Variants in RERE observed in about 807,000 individuals in gnomAD.
RERE encodes arginine-glutamic acid dipeptide repeats.
In RERE, 40 loss-of-function variants were observed where a neutral mutation model predicts 146.1. The ratio of observed to expected loss-of-function variants is 0.27; its 90% CI spans 0.21 to 0.36. RERE has a LOEUF of 0.36. Among genes scored for constraint, RERE ranks in the 10% least tolerant of loss-of-function variants. The probability of loss-of-function intolerance (pLI) is 1.00; values close to 1 mark genes in which losing one functional copy is unlikely to be tolerated. For synonymous variants in RERE, 1,003 were observed against 866.0 expected (o/e 1.16, Z -2.78); for missense variants, 1,933 against 2,138.7 (o/e 0.90, Z 1.90).
chr1:8,771,129 G>C (rs888625010), intron 1 of RERE, among the ~76,000 whole-genome samples: 4 of 152,052 alleles, frequency 2.6e-5, no homozygotes, highest in East Asian at 1.9e-4. Context: ...CACCTGCTGG[G>C]GGGGGAAAAT....
intron 1 of RERE, chr1:8,703,098 C>G (rs941425134): frequency 6.6e-6 from 1 of 152,136 alleles, no homozygotes; most frequent in Admixed American, 6.5e-5. Flanking sequence ...GGGCCTGGTC[C>G]TCCTCCTCCG....
At chr1:8,528,266 ATGT>A (rs71580031) in intron 7 of RERE, among the ~76,000 whole-genome samples, 17 of 152,342 alleles carry the variant, frequency 1.1e-4, no homozygotes, top group Non-Finnish European at 2.1e-4. Flanking sequence ...GTGAGGAAAC[ATGT>A]TGTGAAAACA....
chr1:8,399,440 A>C (rs1643172291), intron 12 of RERE, among the ~76,000 whole-genome samples: 1 of 152,146 alleles, frequency 6.6e-6, no homozygotes, highest in Non-Finnish European at 1.5e-5. Context: ...TTACTGAATA[A>C]TTGGTTAGTT....
rs944558053 is a variant in RERE, at chr1:8,354,916, G to A, written c.*171C>T. 8 of 619,882 alleles carry A rather than the reference G, an allele frequency of 1.3e-5. No individual in the cohort carries two copies. The highest frequency in any genetic ancestry group is 2.2e-5 in the Non-Finnish European group (8 of 359,102). The allele number at this position is 619,882 out of a possible 1,614,324, so 38.4% of individuals were successfully genotyped here. ...CAAACCAGTCTCAGGAAATCCTCTC[G>A]ACAAACGAACACTACTATGTGGATA... On this transcript the variant is annotated 3_prime_UTR_variant, in exon 23 of 23. Coordinates refer to ENST00000400908, the MANE Select transcript of RERE (RefSeq NM_001042681.2).
intron 1 of RERE, among the ~76,000 whole-genome samples, chr1:8,675,467 T>G (rs572617465): frequency 4.2e-4 from 51 of 121,698 alleles, no homozygotes; most frequent in African/African-American, 1.5e-3. Context: ...AAGACCAACC[T>G]GGGCAACGTC....
intron 12 of RERE, among the ~76,000 whole-genome samples, chr1:8,381,443 G>C (rs1414494445): frequency 6.6e-6 from 1 of 152,050 alleles, no homozygotes; most frequent in African/African-American, 2.4e-5. Flanking sequence ...ATAAAACAGA[G>C]GAGTCACTAA....
At chr1:8,764,328 G>A (rs981914992) in intron 1 of RERE, among the ~76,000 whole-genome samples, 7 of 152,074 alleles carry the variant, frequency 4.6e-5, no homozygotes, top group African/African-American at 1.7e-4. Flanking sequence ...TAGTGCCATC[G>A]GGAAAATGAG....
intron 11 of RERE, among the ~76,000 whole-genome samples, chr1:8,455,593 T>G (rs1403380094): frequency 6.6e-6 from 1 of 152,056 alleles, no homozygotes. Context: ...CAGGGACACA[T>G]CCAGTTAATT....
chr1:8,810,894 A>C (rs1322542145), intron 1 of RERE, among the ~76,000 whole-genome samples: 1 of 152,196 alleles, frequency 6.6e-6, no homozygotes, highest in Non-Finnish European at 1.5e-5. Flanking sequence ...TGACTTGGGT[A>C]GGCAGGTAGG....
chr1:8,674,417 A>T (rs958391662), intron 1 of RERE, among the ~76,000 whole-genome samples: 3 of 152,226 alleles, frequency 2.0e-5, no homozygotes, highest in African/African-American at 7.2e-5. Flanking sequence ...AAATATGAAA[A>T]TAACTGAATA....
chr1:8,507,409 G>T (rs924223949), intron 8 of RERE, among the ~76,000 whole-genome samples: 1 of 152,204 alleles, frequency 6.6e-6, no homozygotes, highest in Non-Finnish European at 1.5e-5. Flanking sequence ...TGAAGGAAAA[G>T]AAGTTGTTTA....
intron 12 of RERE, among the ~76,000 whole-genome samples, chr1:8,393,002 A>T (rs1242477907): frequency 6.6e-5 from 10 of 152,216 alleles, no homozygotes; most frequent in Admixed American, 6.5e-4. Context: ...GAAGATGTGC[A>T]CCAAAATACC....
chr1:8,716,672 GAAAA>G (rs566357037), intron 1 of RERE, among the ~76,000 whole-genome samples: 1 of 150,120 alleles, frequency 6.7e-6, no homozygotes, highest in South Asian at 2.1e-4. Flanking sequence ...ATATTACCTA[GAAAA>G]AAAAATCATA....
At chr1:8,669,823 T>C (rs1638673296) in intron 1 of RERE, among the ~76,000 whole-genome samples, 1 of 152,198 alleles carries the variant, frequency 6.6e-6, no homozygotes, top group South Asian at 2.1e-4. Flanking sequence ...TTTGCAACCA[T>C]GGCACATAAG....
At chr1:8,432,748 A>G (rs556777812) in intron 11 of RERE, among the ~76,000 whole-genome samples, 1 of 152,310 alleles carries the variant, frequency 6.6e-6, no homozygotes, top group South Asian at 2.1e-4. Flanking sequence ...TTTTGGTCCT[A>G]GAGTTCTCCC....
intron 12 of RERE, among the ~76,000 whole-genome samples, chr1:8,400,772 G>A (rs968121653): frequency 6.8e-6 from 1 of 147,044 alleles, no homozygotes; most frequent in Non-Finnish European, 1.5e-5. Flanking sequence ...GGGAGGCTGA[G>A]GCAAGAGGAT....
intron 1 of RERE, among the ~76,000 whole-genome samples, chr1:8,721,200 T>G (rs1247203802): frequency 6.6e-6 from 1 of 152,228 alleles, no homozygotes; most frequent in Non-Finnish European, 1.5e-5. Context: ...AGAGGTCTGC[T>G]TCCCCAAGCC....
intron 1 of RERE, among the ~76,000 whole-genome samples, chr1:8,731,342 C>T (rs1295229697): frequency 6.6e-6 from 1 of 152,158 alleles, no homozygotes; most frequent in Non-Finnish European, 1.5e-5. Context: ...TTGCTCAGAG[C>T]ATTCTCCATA....
Position 8,361,767 on chromosome 1 carries a change from G to A in RERE, c.2012C>T (p.Thr671Met), listed in dbSNP as rs199916044. ...AGGCTCAGCAGCAAACCTCACCTGC[G>A]TTTTTGTCTTCTTGGAGCTGGTCCT... is the stretch of plus-strand genomic sequence containing the variant. ...ADRTSSKKTK[T>M]QEISRPNSPS... The change falls in exon 17 of 23, where the codon ACG becomes ATG. Residue 671 changes from threonine to methionine, a missense_variant. Thr to Met is a moderately conservative substitution (Grantham distance 81). This residue lies in a region of RERE where 1,255 missense variants were observed against 1,153.8 expected (regional missense o/e 1.09). Transcript: ENST00000400908. 2.0e-4 allele frequency: 326 copies of A among 1,612,006 alleles called. No individual in the cohort carries two copies. The highest frequency in any genetic ancestry group is 2.6e-4 in the Non-Finnish European group (308 of 1,178,148).
Sources: gnomAD v4.1 joint callset for allele counts (sites outside exome capture counted in the v4.1 genomes callset) on GRCh38, gnomAD v4.1.1 for gene constraint, gnomAD v4.1.1 regional missense constraint, MANE v1.5 for transcripts, NCBI Gene and HGNC (gene_info 2026-07-23, HGNC 2026-07-21) for gene names.